ACAP2: variants seen among roughly 807,000 people sequenced by gnomAD.
ACAP2 encodes arf-GAP with coiled-coil, ANK repeat and PH domain-containing protein 2.
ACAP2 carries 39 observed loss-of-function variants against 115.8 expected under a neutral mutation model. That is an observed-to-expected ratio of 0.34 (90% CI 0.26 to 0.44). The LOEUF (loss-of-function observed/expected upper bound fraction) is 0.44. Ranked by LOEUF, ACAP2 falls within the 20% of genes least tolerant of loss-of-function variation. ACAP2 has a pLI of 1.00. For missense variants in ACAP2, 662 were observed against 927.6 expected, an observed-to-expected ratio of 0.71 and a Z score of 3.72; for synonymous variants, 289 against 315.8, an observed-to-expected ratio of 0.92 and a Z score of 0.90.
chr3:195,399,156 G>C (rs922605799), intron 1 of ACAP2, among the ~76,000 whole-genome samples: 1 of 151,862 alleles, frequency 6.6e-6, no homozygotes, highest in African/African-American at 2.4e-5. Context: ...AAGAGTTAAG[G>C]GAGGAAAAAA....
At chr3:195,313,387 T>C (rs1248997011) in intron 10 of ACAP2, among the ~76,000 whole-genome samples, 2 of 152,300 alleles carry the variant, frequency 1.3e-5, no homozygotes, top group Admixed American at 1.3e-4. Flanking sequence ...AAACAATCAC[T>C]GTAGGAATTG....
chr3:195,419,277 T>A (rs139313583), intron 1 of ACAP2, among the ~76,000 whole-genome samples: 2 of 152,320 alleles, frequency 1.3e-5, no homozygotes, highest in Non-Finnish European at 2.9e-5. Context: ...ATTAATCGAC[T>A]TTCTGTCTGG....
chr3:195,320,754 A>T lies in ACAP2; in HGVS notation c.804T>A (p.Val268=). 1 of 1,613,714 alleles carries T rather than the reference A, an allele frequency of 6.2e-7. No homozygotes were observed. Among genetic ancestry groups the T allele is most frequent in the Non-Finnish European group, 8.5e-7 (1 of 1,179,748 alleles). The change falls in exon 10 of 23, where the codon GTT becomes GTA. Residue 268 remains valine (V), a synonymous_variant. Transcript: ENST00000326793. ...CTCGTTTGAACAGATATCCTTCCAT[A>T]ACTATGCCATTTGCAGCATCTACGT... ...EYNVDAANGI[V]MEGYLFKRAS...
At position 195,361,566 on chromosome 3, in the gene ACAP2, C is replaced by T. The variant is rs535693133; in HGVS notation, c.286-16249G>A. On this transcript the variant is annotated intron_variant, in intron 4 of 22. Transcript: ENST00000326793. The stretch of plus-strand genomic sequence containing the variant: ...GAAAGTTTATAGCTAAGAGTGCCTA[C>T]ATCAAAAACAAAATACCTTCAAATA... Among the ~76,000 whole-genome samples, 55 of 151,952 alleles carry T rather than the reference C, an allele frequency of 3.6e-4. No individual in the cohort carries two copies. In the Middle Eastern group the frequency reaches 0.017, roughly 47 times the overall value.
intron 20 of ACAP2, among the ~76,000 whole-genome samples, chr3:195,289,539 G>A (rs917380473): frequency 6.6e-6 from 1 of 151,938 alleles, no homozygotes; most frequent in African/African-American, 2.4e-5. Context: ...GGTGGCTCAC[G>A]CCTGTAATCC....
chr3:195,285,744 TG>T, intron 22 of ACAP2, 51 bp downstream of exon 22: 1 of 1,386,882 alleles, frequency 7.2e-7, no homozygotes, highest in South Asian at 1.2e-5. Flanking sequence ...GATAAATTCC[TG>T]AATGCATTTC....
At chr3:195,338,875 A>T (rs1730687029) in intron 6 of ACAP2, among the ~76,000 whole-genome samples, 1 of 151,596 alleles carries the variant, frequency 6.6e-6, no homozygotes, top group African/African-American at 2.4e-5. Flanking sequence ...AAATAATTTT[A>T]AAGCACTAAA....
intron 4 of ACAP2, among the ~76,000 whole-genome samples, chr3:195,352,091 A>G (rs6801315): frequency 0.24 from 36,368 of 152,192 alleles, 5,101 homozygotes; most frequent in East Asian, 0.71. Flanking sequence ...GGCCGCACAT[A>G]TAACGGTGGT....
intron 1 of ACAP2, chr3:195,419,478 A>C (rs974310552): frequency 2.6e-5 from 4 of 152,208 alleles, no homozygotes; most frequent in African/African-American, 9.6e-5. Context: ...GGGAAGGAGC[A>C]GAACAAGGAG....
rs561139594 is a variant in ACAP2, at chr3:195,341,685, G to C, written c.528+786C>G. On this transcript the variant is annotated intron_variant, in intron 6 of 22. Coordinates refer to ENST00000326793, the MANE Select transcript of ACAP2 (RefSeq NM_012287.6). ...AATATGATAACACTACTTCTAGAAA[G>C]ATTTTTCATTTGGCAATATGGTGAA... Among the ~76,000 whole-genome samples the C allele has an allele frequency of 4.6e-5, 7 of 152,118 alleles. No homozygotes were observed. In the South Asian group the frequency reaches 1.2e-3, roughly 27 times the overall value.
chr3:195,428,307 T>TA (rs1714838422), intron 1 of ACAP2, among the ~76,000 whole-genome samples: 1 of 149,638 alleles, frequency 6.7e-6, no homozygotes, highest in Non-Finnish European at 1.5e-5. Context: ...TACATAGATA[T>TA]ATATACACTC....
At chr3:195,326,705 C>T (rs1729818991) in intron 9 of ACAP2, 180 bp downstream of exon 9, 1 of 522,896 alleles carries the variant, frequency 1.9e-6, no homozygotes, top group Non-Finnish European at 3.3e-6. Flanking sequence ...GAAAAAATAA[C>T]AAAATACATA....
intron 22 of ACAP2, among the ~76,000 whole-genome samples, chr3:195,281,802 C>A (rs1726528406): frequency 6.6e-6 from 1 of 152,006 alleles, no homozygotes. Flanking sequence ...AGCAACAAAC[C>A]ATATAAAATA....
intron 1 of ACAP2, among the ~76,000 whole-genome samples, chr3:195,432,845 C>A (rs1171745871): frequency 6.6e-6 from 1 of 152,310 alleles, no homozygotes; most frequent in East Asian, 1.9e-4. Context: ...TTATTCAGGT[C>A]TTTAATGTCT....
chr3:195,301,509 C>G lies in ACAP2; in HGVS notation c.1395+66G>C, dbSNP rs1043254504. On this transcript the variant is annotated intron_variant, in intron 15 of 22. Coordinates refer to ENST00000326793, the MANE Select transcript of ACAP2 (RefSeq NM_012287.6). ...ATGAAGAACTCACACATTTGTAAAC[C>G]AAGATTCTAAAATCTTCACTTTCAT... 4.7e-5 allele frequency: 59 copies of G among 1,262,116 alleles called. No homozygotes were observed. The African/African-American group carries it at 8.6e-4, about 18-fold the overall frequency. The allele number at this position is 1,262,116 out of a possible 1,614,324, so 78.2% of individuals were successfully genotyped here.
chr3:195,413,543 G>A (rs967609907), intron 1 of ACAP2, among the ~76,000 whole-genome samples: 2 of 152,104 alleles, frequency 1.3e-5, no homozygotes, highest in Non-Finnish European at 2.9e-5. Flanking sequence ...GAGGTCAGGA[G>A]TTTGAGACCA....
chr3:195,288,111 AAAG>A (rs1726967914), intron 21 of ACAP2, among the ~76,000 whole-genome samples: 1 of 152,156 alleles, frequency 6.6e-6, no homozygotes, highest in Admixed American at 6.6e-5. Context: ...AAAAAAAAAA[AAAG>A]AAACCATTTT....
chr3:195,348,709 C>A (rs1293174070), intron 4 of ACAP2, among the ~76,000 whole-genome samples: 1 of 152,124 alleles, frequency 6.6e-6, no homozygotes, highest in Non-Finnish European at 1.5e-5. Context: ...TGTTAACAGA[C>A]TTAAAAAACA....
intron 1 of ACAP2, among the ~76,000 whole-genome samples, chr3:195,431,681 T>G (rs1241063832): frequency 6.6e-6 from 1 of 151,300 alleles, no homozygotes; most frequent in Non-Finnish European, 1.5e-5. Flanking sequence ...TCTCCTGACC[T>G]CATGATACAC....
Sources: allele counts gnomAD v4.1 joint callset (sites outside exome capture counted in the v4.1 genomes callset), GRCh38; gene constraint gnomAD v4.1.1; transcripts MANE v1.5; gene names NCBI Gene and HGNC (gene_info 2026-07-23, HGNC 2026-07-21).